Variants in GPR108 observed in about 807,000 individuals in gnomAD.
The protein encoded by GPR108 is G protein-coupled receptor 108, also known as protein GPR108.
Under a neutral mutation model 74.3 loss-of-function variants are expected in GPR108, and 60 were observed. The observed-to-expected ratio is 0.81, with a 90% CI of 0.66 to 1.00. The LOEUF is 1.00. GPR108 is among the 50% of genes least tolerant of loss of function. GPR108 has a pLI of 0.00. For missense variants in GPR108, 667 were observed against 703.3 expected (o/e 0.95, Z 0.58); for synonymous variants, 311 against 292.4 (o/e 1.06, Z -0.65).
chr19:6,734,412 G>A, intron 4 of GPR108, 105 bp from the exon 5 acceptor site: 1 of 1,119,288 alleles, frequency 8.9e-7, no homozygotes, highest in Non-Finnish European at 1.3e-6. Flanking sequence ...TCCTCCCTGA[G>A]GGGCGGGGTC....
chr19:6,731,411 G>C, intron 15 of GPR108, 62 bp downstream of exon 15: 1 of 1,499,826 alleles, frequency 6.7e-7, no homozygotes, highest in African/African-American at 1.4e-5. Context: ...TGAGGGGCTG[G>C]GGTGGGCGTG....
intron 9 of GPR108, 49 bp from the exon 10 acceptor site, chr19:6,733,111 A>C: frequency 6.2e-7 from 1 of 1,613,360 alleles, no homozygotes; most frequent in Non-Finnish European, 8.5e-7. Context: ...TCAGCAGAGC[A>C]TAGGGATGGG....
At position 6,735,969 on chromosome 19, in the gene GPR108, G is replaced by T; in HGVS notation, c.241-11C>A. On this transcript the variant is annotated splice_polypyrimidine_tract_variant and intron_variant, in intron 2 of 17. Coordinates refer to ENST00000264080, the MANE Select transcript of GPR108 (RefSeq NM_001080452.2). ...GAGACTGAACCCCACCTGGTGGGTGGAAAAAAAAAGGGGAGGGTGTGAGGG... is the reference window on the plus strand; with the variant it reads ...GAGACTGAACCCCACCTGGTGGGTGTAAAAAAAAAGGGGAGGGTGTGAGGG... 2.5e-6 allele frequency: 4 copies of T among 1,573,476 alleles called. No homozygotes were observed. Among genetic ancestry groups the T allele is most frequent in the South Asian group, 2.3e-5 (2 of 87,308 alleles).
At chr19:6,733,731 C>A in intron 7 of GPR108, 57 bp from the exon 8 acceptor site, 5 of 1,586,430 alleles carry the variant, frequency 3.2e-6, no homozygotes, top group Non-Finnish European at 4.3e-6. Context: ...TCTGGGGCGA[C>A]AATCAGCTTG....
At position 6,733,295 on chromosome 19, in the gene GPR108, TC is replaced by T. The variant is rs1431031438; in HGVS notation, c.729del (p.Met243IlefsTer95). The part of the protein sequence containing the change: ...GKEHPFDITV[M>X]IREKNPDGFL... ...AAGCCATCGGGGTTCTTCTCCCGGA[TC>T]ATCACCTGCGGAGGGGGCAGTGGTG... is the stretch of plus-strand genomic sequence containing the variant. On this transcript the variant is annotated frameshift_variant, in exon 9 of 18. Transcript: ENST00000264080. LOFTEE classifies it high-confidence loss of function. 6.2e-7 allele frequency: 1 copy of T among 1,613,330 alleles called. No homozygotes were observed. The highest frequency in any genetic ancestry group is 8.5e-7 in the Non-Finnish European group (1 of 1,179,768).
At chr19:6,731,825 G>T in intron 14 of GPR108, 66 bp downstream of exon 14, 3 of 1,575,236 alleles carry the variant, frequency 1.9e-6, no homozygotes, top group Non-Finnish European at 2.6e-6. Context: ...CATCCAAGGG[G>T]CAGAAAGAAG....
Position 6,732,864 on chromosome 19 carries a change from G to A in GPR108, c.933+123C>T, listed in dbSNP as rs1599542369. On this transcript the variant is annotated intron_variant, in intron 10 of 17. Coordinates refer to ENST00000264080, the MANE Select transcript of GPR108 (RefSeq NM_001080452.2). ...GGTGACTGGCCACACTGGTAAAATG[G>A]GTGGACACGTGGATAGCTGGCGGAT... The A allele has an allele frequency of 3.6e-6, 3 of 833,072 alleles. No homozygotes were observed. In the East Asian group the frequency reaches 8.0e-5, roughly 22 times the overall value. 51.6% of individuals were successfully genotyped at this position (833,072 alleles called of 1,614,324 possible). A position where few individuals can be genotyped will look rare whatever the true frequency, so the allele number is the denominator to read the frequency against.
chr19:6,737,250 G>A (rs923190810), intron 1 of GPR108: 2 of 601,538 alleles, frequency 3.3e-6, no homozygotes, highest in South Asian at 4.4e-5. Context: ...GGAGGGGGCC[G>A]ACCCCAGCGA....
rs73500327 is a variant in GPR108 at position 6,733,472 on chromosome 19, C to T, written c.723+98G>A. The T allele has an allele frequency of 1.0e-3, 1,432 of 1,396,608 alleles. 16 individuals carry two copies. In the African/African-American group the frequency reaches 0.018, roughly 17 times the overall value. The allele number at this position is 1,396,608 out of a possible 1,614,324, so 86.5% of individuals were successfully genotyped here. A position where few individuals can be genotyped will look rare whatever the true frequency, so the allele number is the denominator to read the frequency against. On this transcript the variant is annotated intron_variant, in intron 8 of 17. Transcript: ENST00000264080. ...GGTATAACAGCTCCTACTTCGCACC[C>T]GGGAGGGCTGGGAAAAGCTAAGCGG...
intron 8 of GPR108, 68 bp from the exon 9 acceptor site, chr19:6,733,369 G>C (rs1311786537): frequency 2.7e-6 from 4 of 1,504,210 alleles, no homozygotes; most frequent in African/African-American, 1.4e-5. Context: ...AGAGCAGCGA[G>C]TGGGGGTCTC....
At chr19:6,737,116 G>A in intron 1 of GPR108, 2 of 387,674 alleles carry the variant, frequency 5.2e-6, no homozygotes, top group Admixed American at 4.3e-5. Flanking sequence ...AGCCCCCCAG[G>A]ACCCCGCTGT....
chr19:6,735,662 T>C lies in GPR108; in HGVS notation c.334A>G (p.Ser112Gly). ...QDCPLQKNSSSFLVLFLINTK... is the reference protein window; with the variant it reads ...QDCPLQKNSSGFLVLFLINTK... ...TTGATGAGGAACAGGACCAGGAAAC[T>C]GCTACTGTTTTTCTGGAGAGGGCAG... is the stretch of plus-strand genomic sequence containing the variant. Residue 112 changes from serine to glycine, a missense_variant, in exon 4 of 18, where the codon AGT (serine) becomes GGT (glycine). Ser to Gly is a moderately conservative substitution (Grantham distance 56). Coordinates refer to ENST00000264080, the MANE Select transcript of GPR108 (RefSeq NM_001080452.2). 1.2e-6 allele frequency: 2 copies of C among 1,614,102 alleles called. No homozygotes were observed. Among genetic ancestry groups the C allele is most frequent in the Non-Finnish European group, 8.5e-7 (1 of 1,180,018 alleles).
chr19:6,737,166 G>A, intron 1 of GPR108: 1 of 438,490 alleles, frequency 2.3e-6, no homozygotes, highest in Non-Finnish European at 4.1e-6. Flanking sequence ...GTGATTCCAA[G>A]AATTTAAAGG....
chr19:6,732,465 G>T lies in GPR108; in HGVS notation c.1007+11C>A, dbSNP rs117899024. The T allele has an allele frequency of 0.016, 25,858 of 1,613,576 alleles. 232 individuals are homozygous for T. Among genetic ancestry groups the T allele is most frequent in the Non-Finnish European group, 0.019 (22,939 of 1,179,724 alleles). ...TCCCCCCAGCTGCCCAGCAGAGTGG[G>T]GGACACTCACAGGTGTGCGATGTAG... On this transcript the variant is annotated intron_variant, in intron 11 of 17. Coordinates refer to ENST00000264080, the MANE Select transcript of GPR108 (RefSeq NM_001080452.2).
rs186976974 is a variant in GPR108, at chr19:6,732,499, G to A, written c.984C>T (p.Ala328=). The change falls in exon 11 of 18, where the codon GCC becomes GCT. Residue 328 remains alanine (A), a synonymous_variant. Transcript: ENST00000264080. ...NSQGHPIEGL[A]VMYYIAHLLK... ...ACAGGTGTGCGATGTAGTACATGAC[G>A]GCAAGGCCTTCGATGGGGTGGCCCT... The A allele has an allele frequency of 3.1e-6, 5 of 1,613,910 alleles. No homozygotes were observed. The highest frequency in any genetic ancestry group is 1.1e-5 in the South Asian group (1 of 91,082).
intron 11 of GPR108, 33 bp from the exon 12 acceptor site, chr19:6,732,413 TG>T (rs746993721): frequency 3.7e-6 from 6 of 1,609,642 alleles, no homozygotes; most frequent in East Asian, 2.2e-5. Context: ...GATGATGAGG[TG>T]GGGGGCCAAC....
chr19:6,731,568 G>C (rs777135056), intron 14 of GPR108, 46 bp from the exon 15 acceptor site: 1 of 880,388 alleles, frequency 1.1e-6, no homozygotes, highest in African/African-American at 1.7e-5. Context: ...CTGAGGGTGG[G>C]AGGGAGGGGA....
rs746719064 is a variant in GPR108 at position 6,733,346 on chromosome 19, C to A, written c.724-45G>T. 3 of 1,592,238 alleles carry A rather than the reference C, an allele frequency of 1.9e-6. No homozygotes were observed. In the South Asian group the frequency reaches 3.4e-5, roughly 18 times the overall value. ...GGGCGGCGGCAGGGGCACAGCCCGA[C>A]CGCTGGCCTGGGAGAGCAGCGAGTG... On this transcript the variant is annotated intron_variant, in intron 8 of 17. Coordinates refer to ENST00000264080, the MANE Select transcript of GPR108 (RefSeq NM_001080452.2).
intron 14 of GPR108, 40 bp from the exon 15 acceptor site, chr19:6,731,562 G>T: frequency 1.8e-6 from 2 of 1,097,968 alleles, no homozygotes; most frequent in Non-Finnish European, 2.6e-6. Flanking sequence ...GGGAGACTGA[G>T]GGTGGGAGGG....
Sources: allele counts gnomAD v4.1 joint callset, GRCh38; gene constraint gnomAD v4.1.1; transcripts MANE v1.5; gene names NCBI Gene and HGNC (gene_info 2026-07-23, HGNC 2026-07-21).